SGCZ: variants seen among roughly 807,000 people sequenced by gnomAD.
SGCZ encodes sarcoglycan zeta, also known as zeta-sarcoglycan.
A neutral mutation model predicts 41.3 loss-of-function variants in SGCZ; 40 were observed. The ratio of observed to expected loss-of-function variants is 0.97; its 90% CI spans 0.75 to 1.26. The LOEUF (loss-of-function observed/expected upper bound fraction) is 1.26, where lower values mean the gene tolerates loss of function less well. Among genes scored for constraint, SGCZ ranks in the 50% most tolerant of loss-of-function variants. The pLI is 0.00. For synonymous variants in SGCZ, 206 were observed against 137.5 expected (o/e 1.50, Z -3.49); for missense variants, 552 against 369.8 (o/e 1.49, Z -4.04).
intron 1 of SGCZ, among the ~76,000 whole-genome samples, chr8:14,636,353 G>A (rs1008904451): frequency 1.3e-5 from 2 of 151,852 alleles, no homozygotes; most frequent in Admixed American, 6.6e-5. Context: ...ATATGGAATA[G>A]ATTACACAGG....
At chr8:15,126,985 T>C (rs268435) in intron 1 of SGCZ, among the ~76,000 whole-genome samples, 2,341 of 152,302 alleles carry the variant, frequency 0.015, 56 homozygotes, top group African/African-American at 0.053. Flanking sequence ...TTGACGTCCA[T>C]GCACGTGTCT....
chr8:14,345,032 G>A (rs1802846654), intron 2 of SGCZ, among the ~76,000 whole-genome samples: 1 of 152,016 alleles, frequency 6.6e-6, no homozygotes, highest in Non-Finnish European at 1.5e-5. Flanking sequence ...ATGTACGTGT[G>A]CATATACACA....
intron 1 of SGCZ, among the ~76,000 whole-genome samples, chr8:14,907,423 A>T (rs1172843462): frequency 6.6e-6 from 1 of 152,086 alleles, no homozygotes; most frequent in East Asian, 1.9e-4. Flanking sequence ...CCTGGGCTCA[A>T]GTGATCCTCC....
intron 6 of SGCZ, among the ~76,000 whole-genome samples, 177 bp from the exon 7 acceptor site, chr8:14,102,676 A>C (rs1802070647): frequency 6.6e-6 from 1 of 152,056 alleles, no homozygotes; most frequent in Admixed American, 6.6e-5. Flanking sequence ...TTTCAGAACA[A>C]TTTTTGATTG....
intron 1 of SGCZ, among the ~76,000 whole-genome samples, chr8:14,856,089 CAT>C (rs1219099847): frequency 2.0e-5 from 3 of 152,088 alleles, no homozygotes; most frequent in Admixed American, 6.5e-5. Flanking sequence ...CAAAATAAAA[CAT>C]ATAATATTTA....
intron 1 of SGCZ, among the ~76,000 whole-genome samples, chr8:14,721,762 T>C (rs1035212767): frequency 2.0e-5 from 3 of 152,320 alleles, no homozygotes; most frequent in Non-Finnish European, 2.9e-5. Context: ...AAACTCTACA[T>C]TTTACTAAAA....
intron 1 of SGCZ, among the ~76,000 whole-genome samples, chr8:14,755,701 G>C (rs1175535275): frequency 6.6e-6 from 1 of 151,946 alleles, no homozygotes; most frequent in Non-Finnish European, 1.5e-5. Flanking sequence ...ATCTTTATTG[G>C]TAAATATCAC....
intron 3 of SGCZ, among the ~76,000 whole-genome samples, chr8:14,255,310 T>C: frequency 6.6e-6 from 1 of 152,180 alleles, no homozygotes; most frequent in East Asian, 1.9e-4. Flanking sequence ...CCTCCTATGA[T>C]CTTGTCACAT....
chr8:14,598,961 A>T (rs73192399), intron 1 of SGCZ, among the ~76,000 whole-genome samples: 8,109 of 152,156 alleles, frequency 0.053, 254 homozygotes, highest in South Asian at 0.14. Context: ...TCTTCATCAG[A>T]TGCTCAATTA....
chr8:14,453,559 C>T (rs1223401582), intron 2 of SGCZ, among the ~76,000 whole-genome samples: 1 of 152,248 alleles, frequency 6.6e-6, no homozygotes, highest in African/African-American at 2.4e-5. Flanking sequence ...AATTGTCAGT[C>T]TTCTTATCGG....
At chr8:14,976,026 A>T (rs890203711) in intron 1 of SGCZ, among the ~76,000 whole-genome samples, 9 of 143,274 alleles carry the variant, frequency 6.3e-5, no homozygotes, top group East Asian at 2.0e-4. Context: ...ACACATATAT[A>T]TTTTTTTTTT....
intron 1 of SGCZ, among the ~76,000 whole-genome samples, chr8:14,819,038 T>G (rs895051126): frequency 6.6e-6 from 1 of 151,950 alleles, no homozygotes; most frequent in South Asian, 2.1e-4. Flanking sequence ...ATATCCAGAT[T>G]CAGGAAGCTC....
At chr8:14,742,164 A>G (rs375290092) in intron 1 of SGCZ, among the ~76,000 whole-genome samples, 1 of 152,062 alleles carries the variant, frequency 6.6e-6, no homozygotes. Flanking sequence ...TACCATGCTA[A>G]CAATCCAAAC....
intron 2 of SGCZ, among the ~76,000 whole-genome samples, chr8:14,536,451 G>A (rs954074166): frequency 6.6e-6 from 1 of 151,522 alleles, no homozygotes; most frequent in South Asian, 2.1e-4. Context: ...ATTTGAACGA[G>A]ATCTACTTTT....
intron 4 of SGCZ, among the ~76,000 whole-genome samples, chr8:14,211,820 A>G (rs1266071887): frequency 6.6e-6 from 1 of 152,120 alleles, no homozygotes; most frequent in Non-Finnish European, 1.5e-5. Context: ...TTGGGTGGGG[A>G]CACAAATCCA....
intron 3 of SGCZ, among the ~76,000 whole-genome samples, chr8:14,277,386 A>T (rs1563229571): frequency 6.6e-6 from 1 of 151,904 alleles, no homozygotes; most frequent in African/African-American, 2.4e-5. Flanking sequence ...TGCCAGTTCA[A>T]ATTATATTTT....
chr8:14,548,803 G>A (rs112120703), intron 2 of SGCZ, among the ~76,000 whole-genome samples: 26 of 152,092 alleles, frequency 1.7e-4, no homozygotes, highest in African/African-American at 6.3e-4. Context: ...TCCTGCATAT[G>A]AGACCAAATT....
intron 3 of SGCZ, among the ~76,000 whole-genome samples, chr8:14,258,636 A>G (rs1799548452): frequency 6.6e-6 from 1 of 152,224 alleles, no homozygotes; most frequent in African/African-American, 2.4e-5. Flanking sequence ...GCTCTTATGA[A>G]GTATATTCAG....
chr8:14,917,711 A>T (rs1274447707), intron 1 of SGCZ, among the ~76,000 whole-genome samples: 1 of 152,116 alleles, frequency 6.6e-6, no homozygotes, highest in Non-Finnish European at 1.5e-5. Context: ...GCAAGGAAAG[A>T]CTATGTCTTT....
Sources: allele counts gnomAD v4.1 joint callset (sites outside exome capture counted in the v4.1 genomes callset), GRCh38; gene constraint gnomAD v4.1.1; transcripts MANE v1.5; gene names NCBI Gene and HGNC (gene_info 2026-07-23, HGNC 2026-07-21).